Variants in NPHP4 observed in about 807,000 individuals in gnomAD.
The protein encoded by NPHP4 is nephrocystin 4, also known as nephrocystin-4.
NPHP4 carries 151 observed loss-of-function variants against 155.8 expected under a neutral mutation model. The ratio of observed to expected loss-of-function variants is 0.97; its 90% CI spans 0.85 to 1.11. The LOEUF (loss-of-function observed/expected upper bound fraction) is 1.11. Ranked by LOEUF, NPHP4 falls within the 50% of genes least tolerant of loss-of-function variation. The pLI, the probability that NPHP4 is intolerant of heterozygous loss-of-function variation, is 0.00. For synonymous variants in NPHP4, 845 were observed against 816.8 expected (o/e 1.03, Z -0.59); for missense variants, 1,956 against 1,925.7 (o/e 1.02, Z -0.29).
At position 5,887,556 on chromosome 1, in the gene NPHP4, C is replaced by A. The variant is rs547550404; in HGVS notation, c.2305-90G>T. On this transcript the variant is annotated intron_variant, in intron 17 of 29. Transcript: ENST00000378156. ...AGGTGGAGGCTGCTCCCCAGCCCAG[C>A]AGGAAAGCCACTGTGGGCGGGAGGG... 13 of 1,407,784 alleles carry A rather than the reference C, an allele frequency of 9.2e-6. No individual in the cohort carries two copies. In the African/African-American group the frequency reaches 1.3e-4, roughly 14 times the overall value. The allele number at this position is 1,407,784 out of a possible 1,614,324, so 87.2% of individuals were successfully genotyped here.
At chr1:5,886,096 TG>T (rs111368758) in intron 18 of NPHP4, among the ~76,000 whole-genome samples, 7 of 152,342 alleles carry the variant, frequency 4.6e-5, no homozygotes, top group African/African-American at 1.7e-4. Context: ...GCACATTTGG[TG>T]GCTGGAGAAT....
At chr1:5,984,714 T>A (rs1014680850) in intron 2 of NPHP4, among the ~76,000 whole-genome samples, 2 of 152,216 alleles carry the variant, frequency 1.3e-5, no homozygotes, top group Non-Finnish European at 2.9e-5. Context: ...GATGATTCAC[T>A]TTTCCTCTGC....
intron 5 of NPHP4, among the ~76,000 whole-genome samples, chr1:5,964,941 A>ATAT: frequency 1.3e-4 from 8 of 59,428 alleles, no homozygotes; most frequent in Admixed American, 2.3e-4. Context: ...ATATATATAT[A>ATAT]TTTTTTTTTT....
intron 23 of NPHP4, among the ~76,000 whole-genome samples, chr1:5,872,401 A>G (rs1044478405): frequency 6.6e-6 from 1 of 152,224 alleles, no homozygotes; most frequent in Admixed American, 6.5e-5. Context: ...CTTCCTCCCA[A>G]CGGTTTTGGC....
At chr1:5,978,972 G>C (rs1309154255) in intron 2 of NPHP4, among the ~76,000 whole-genome samples, 1 of 152,206 alleles carries the variant, frequency 6.6e-6, no homozygotes, top group Non-Finnish European at 1.5e-5. Context: ...GCAAAAAGCA[G>C]ATCTTTGAGA....
At chr1:5,962,720 G>A (rs1339961725) in intron 5 of NPHP4, among the ~76,000 whole-genome samples, 3 of 152,218 alleles carry the variant, frequency 2.0e-5, no homozygotes, top group South Asian at 2.1e-4. Flanking sequence ...GAGGGGGAAC[G>A]TGAGGAGGAA....
intron 4 of NPHP4, among the ~76,000 whole-genome samples, 153 bp downstream of exon 4, chr1:5,968,934 C>T (rs565344133): frequency 2.7e-5 from 4 of 150,814 alleles, no homozygotes; most frequent in East Asian, 4.0e-4. Context: ...GGCTGAGGCA[C>T]GAGAATCGCT....
Position 5,948,101 on chromosome 1 carries a change from T to C in NPHP4, c.961A>G (p.Ser321Gly). 6.2e-7 allele frequency: 1 copy of C among 1,613,920 alleles called. No individual in the cohort carries two copies. The highest frequency in any genetic ancestry group is 8.5e-7 in the Non-Finnish European group (1 of 1,179,872). Residue 321 changes from serine (S) to glycine (G), a missense_variant, in exon 8 of 30, where the codon AGC becomes GGC. By Grantham distance (56) the Ser-to-Gly change is moderately conservative. Coordinates refer to ENST00000378156, the MANE Select transcript of NPHP4 (RefSeq NM_015102.5). The stretch of plus-strand genomic sequence containing the variant: ...TTGGAAGAGGAGACCACTTTCCTGC[T>C]GAAGCTAGCTGAGCGCGTCAAGGCC... ...DVALTRSASF[S>G]RKVVSSSKTS...
At chr1:5,963,134 G>A (rs1034609024) in intron 5 of NPHP4, among the ~76,000 whole-genome samples, 68 of 152,230 alleles carry the variant, frequency 4.5e-4, no homozygotes, top group Non-Finnish European at 1.6e-4. Flanking sequence ...AACTAGGTCC[G>A]CCATGGGGGC....
At position 5,947,180 on chromosome 1, in the gene NPHP4, A is replaced by G. The variant is rs1647148387; in HGVS notation, c.1043T>C (p.Met348Thr). The G allele has an allele frequency of 6.2e-7, 1 of 1,613,852 alleles. No individual in the cohort carries two copies. The highest frequency in any genetic ancestry group is 1.3e-5 in the African/African-American group (1 of 74,926). ...VLRSRLRLPEMVGHPAFAVIF... is the reference protein window; with the variant it reads ...VLRSRLRLPETVGHPAFAVIF... ...GACCGCAAATGCAGGGTGGCCGACC[A>G]TCTCTGGGAGGCGGAGGCGGCTTCT... Residue 348 changes from methionine to threonine, a missense_variant, in exon 9 of 30, where the codon ATG becomes ACG. By Grantham distance (81) the Met-to-Thr change is moderately conservative (BLOSUM62 -1). Transcript: ENST00000378156.
chr1:5,957,825 T>A (rs1331553194), intron 6 of NPHP4, among the ~76,000 whole-genome samples: 1 of 152,220 alleles, frequency 6.6e-6, no homozygotes, highest in South Asian at 2.1e-4. Context: ...TAAGCAGGAA[T>A]GAAAATGACT....
At chr1:5,972,978 G>A (rs539624387) in intron 3 of NPHP4, among the ~76,000 whole-genome samples, 155 of 152,166 alleles carry the variant, frequency 1.0e-3, no homozygotes, top group African/African-American at 3.6e-3. Context: ...TCCACCCGCC[G>A]AGCTCAGGTG....
At chr1:5,901,494 T>G (rs1195890927) in intron 16 of NPHP4, among the ~76,000 whole-genome samples, 2 of 152,264 alleles carry the variant, frequency 1.3e-5, no homozygotes, top group Non-Finnish European at 2.9e-5. Flanking sequence ...CTGTGAATTT[T>G]AATTCATAAT....
At chr1:5,898,839 A>ACATG (rs1644526991) in intron 16 of NPHP4, among the ~76,000 whole-genome samples, 1 of 150,338 alleles carries the variant, frequency 6.7e-6, no homozygotes, top group Non-Finnish European at 1.5e-5. Context: ...TCAAACCCAC[A>ACATG]CATGCACACA....
chr1:5,961,947 T>G lies in NPHP4; in HGVS notation c.520A>C (p.Asn174His). 6.3e-7 allele frequency: 1 copy of G among 1,593,532 alleles called. No homozygotes were observed. The highest frequency in any genetic ancestry group is 8.6e-7 in the Non-Finnish European group (1 of 1,162,864). ...TTCTCAATGAGGGTCATGTGTCTGT[T>G]TTCTGGTGAAGAAAACACAATGTGA... ...HPLLQDPAEQNRHMTLIENCS... is the reference protein window; with the variant it reads ...HPLLQDPAEQHRHMTLIENCS... The change falls in exon 6 of 30, where the codon AAC becomes CAC. Residue 174 changes from asparagine (N) to histidine (H), a missense_variant and splice_region_variant. By Grantham distance (68) the Asn-to-His change is moderately conservative. Coordinates refer to ENST00000378156, the MANE Select transcript of NPHP4 (RefSeq NM_015102.5).
intron 18 of NPHP4, chr1:5,887,024 A>C: frequency 2.2e-6 from 1 of 454,596 alleles, no homozygotes; most frequent in Non-Finnish European, 3.9e-6. Context: ...CTCCAGGGAT[A>C]GCAACAAACA....
rs373962831 is a variant in NPHP4, at chr1:5,890,912, C to T, written c.2260G>A (p.Gly754Arg). ...VQTLQIDVWD[G>R]DSLLLIGSAA... ...GATCCGATGAGCAGCAGGGAGTCTC[C>T]GTCCCAGACGTCAATCTGCAGGGTC... is the stretch of plus-strand genomic sequence containing the variant. Residue 754 changes from glycine (G) to arginine (R), a missense_variant, in exon 17 of 30, where the codon GGA (glycine) becomes AGA (arginine). By Grantham distance (125) the Gly-to-Arg change is moderately radical (BLOSUM62 -2). Transcript: ENST00000378156. The surrounding 1 kb of genome is among the most constrained non-coding windows in gnomAD (Gnocchi z 4.9). The T allele has an allele frequency of 1.6e-5, 26 of 1,609,964 alleles. No individual in the cohort carries two copies. Among genetic ancestry groups the T allele is most frequent in the African/African-American group, 9.4e-5 (7 of 74,830 alleles).
intron 27 of NPHP4, 136 bp downstream of exon 27, chr1:5,864,966 G>C: frequency 1.2e-6 from 1 of 823,748 alleles, no homozygotes; most frequent in Non-Finnish European, 2.0e-6. Context: ...GAGGCCTCTG[G>C]TAACAGCGTC....
At position 5,905,615 on chromosome 1, in the gene NPHP4, C is replaced by A; in HGVS notation, c.1763+17G>T. The A allele has an allele frequency of 1.9e-6, 3 of 1,613,678 alleles. No individual in the cohort carries two copies. Among genetic ancestry groups the A allele is most frequent in the Admixed American group, 1.7e-5 (1 of 59,992 alleles). On this transcript the variant is annotated intron_variant, in intron 14 of 29. Coordinates refer to ENST00000378156, the MANE Select transcript of NPHP4 (RefSeq NM_015102.5). The surrounding 1 kb of genome is among the most constrained non-coding windows in gnomAD (Gnocchi z 4.0). ...CAGCACGTGACTGGTTCCATCCCAC[C>A]CAGACCCACACCTCACCTCCTGGTC...
Sources: gnomAD v4.1 joint callset for allele counts (sites outside exome capture counted in the v4.1 genomes callset) on GRCh38, gnomAD v4.1.1 for gene constraint, Gnocchi (gnomAD v3.1) non-coding constraint, MANE v1.5 for transcripts, NCBI Gene and HGNC (gene_info 2026-07-23, HGNC 2026-07-21) for gene names.